Variants in NEMF observed in about 807,000 individuals in gnomAD.
NEMF encodes the protein nuclear export mediator factor, also known as ribosome quality control complex subunit NEMF.
NEMF carries 89 observed loss-of-function variants against 162.2 expected under a neutral mutation model. The observed-to-expected ratio is 0.55, with a 90% CI of 0.46 to 0.65. NEMF has a LOEUF of 0.65. Ranked by LOEUF, NEMF falls within the 30% of genes least tolerant of loss-of-function variation. The probability of loss-of-function intolerance (pLI) is 0.00; values close to 1 mark genes in which losing one functional copy is unlikely to be tolerated. For synonymous variants in NEMF, 421 were observed against 404.5 expected, an observed-to-expected ratio of 1.04 and a Z score of -0.49; for missense variants, 1,133 against 1,261.9, an observed-to-expected ratio of 0.90 and a Z score of 1.55.
intron 3 of NEMF, among the ~76,000 whole-genome samples, chr14:49,846,762 G>A (rs760811930): frequency 1.3e-5 from 2 of 152,160 alleles, no homozygotes; most frequent in African/African-American, 4.8e-5. Flanking sequence ...ACTGAGCCAG[G>A]CTTTTATTTT....
chr14:49,845,374 G>T (rs966938177), intron 4 of NEMF, among the ~76,000 whole-genome samples: 1 of 152,204 alleles, frequency 6.6e-6, no homozygotes, highest in African/African-American at 2.4e-5. Context: ...CTCCCAAAAT[G>T]CTAGGATTAC....
chr14:49,819,408 T>C (rs1382896865), intron 16 of NEMF, among the ~76,000 whole-genome samples: 4 of 151,126 alleles, frequency 2.6e-5, no homozygotes, highest in Non-Finnish European at 5.9e-5. Context: ...TATATATATA[T>C]ATATATATAT....
chr14:49,846,925 G>A (rs1034959692), intron 3 of NEMF, among the ~76,000 whole-genome samples: 28 of 152,176 alleles, frequency 1.8e-4, no homozygotes, highest in African/African-American at 5.1e-4. Context: ...TCGCTCTGTC[G>A]CCCAGACTGG....
intron 16 of NEMF, among the ~76,000 whole-genome samples, chr14:49,815,443 T>C (rs925374556): frequency 2.0e-5 from 3 of 152,184 alleles, no homozygotes; most frequent in African/African-American, 7.2e-5. Context: ...GAAAATGACA[T>C]GCAAGACAGA....
At chr14:49,828,581 A>T in intron 14 of NEMF, 35 bp downstream of exon 14, 1 of 1,459,234 alleles carries the variant, frequency 6.9e-7, no homozygotes, top group Non-Finnish European at 9.2e-7. Context: ...ATTGCAGATA[A>T]CACTTGGCCT....
At chr14:49,827,322 G>T (rs1020594667) in intron 15 of NEMF, among the ~76,000 whole-genome samples, 1 of 152,112 alleles carries the variant, frequency 6.6e-6, no homozygotes, top group African/African-American at 2.4e-5. Context: ...AAGTAGCTGG[G>T]ATTACAGGTA....
intron 16 of NEMF, among the ~76,000 whole-genome samples, chr14:49,820,629 C>T (rs985616043): frequency 2.6e-5 from 4 of 152,030 alleles, no homozygotes; most frequent in African/African-American, 9.7e-5. Flanking sequence ...CCCCTCTCCC[C>T]TCTCTCCTCC....
Position 49,850,219 on chromosome 14 carries a change from C to T in NEMF, c.231+1344G>A, listed in dbSNP as rs146291612. On this transcript the variant is annotated intron_variant, in intron 3 of 32. Coordinates refer to ENST00000298310, the MANE Select transcript of NEMF (RefSeq NM_004713.6). ...CCAGGTTCAAGTGGTTCTCCTGCCC[C>T]ATCCTCCCAAGTAGCTGGAATTACA... is the stretch of plus-strand genomic sequence containing the variant. Among the ~76,000 whole-genome samples the T allele has an allele frequency of 1.9e-4, 29 of 152,270 alleles. No individual in the cohort carries two copies. The East Asian group carries it at 5.2e-3, about 27-fold the overall frequency.
intron 26 of NEMF, among the ~76,000 whole-genome samples, chr14:49,793,861 T>C (rs7148422): frequency 0.17 from 26,081 of 151,720 alleles, 2,489 homozygotes; most frequent in Non-Finnish European, 0.21. Context: ...ATTAATTTGA[T>C]GGGTAAAAAA....
intron 25 of NEMF, chr14:49,796,188 C>A: frequency 1.8e-6 from 1 of 559,102 alleles, no homozygotes; most frequent in South Asian, 1.5e-5. Flanking sequence ...ATATTGTCAC[C>A]CCTGACTCAT....
At chr14:49,837,911 T>C (rs1004204167) in intron 6 of NEMF, among the ~76,000 whole-genome samples, 3 of 151,840 alleles carry the variant, frequency 2.0e-5, no homozygotes, top group African/African-American at 4.8e-5. Context: ...AATACTACCA[T>C]TAGCACTGAA....
chr14:49,806,522 A>T (rs1436517196), intron 18 of NEMF, among the ~76,000 whole-genome samples: 1 of 151,242 alleles, frequency 6.6e-6, no homozygotes, highest in Admixed American at 6.6e-5. Context: ...GGCCTCCCAG[A>T]GTGCTGGAAC....
At chr14:49,797,805 T>C (rs1269068467) in intron 25 of NEMF, among the ~76,000 whole-genome samples, 2 of 152,220 alleles carry the variant, frequency 1.3e-5, no homozygotes, top group African/African-American at 4.8e-5. Flanking sequence ...GAGCTAGTCC[T>C]CAAATAACAT....
chr14:49,831,280 T>C lies in NEMF; in HGVS notation c.945+19A>G. The stretch of plus-strand genomic sequence containing the variant: ...GCTAAAGACTAGCTGGTTTAATATG[T>C]GTTTTTAATAATACATACCTGTTGT... On this transcript the variant is annotated intron_variant, in intron 11 of 32. Coordinates refer to ENST00000298310, the MANE Select transcript of NEMF (RefSeq NM_004713.6). 1 of 1,391,182 alleles carries C rather than the reference T, an allele frequency of 7.2e-7. No individual in the cohort carries two copies. Among genetic ancestry groups the C allele is most frequent in the East Asian group, 2.3e-5 (1 of 43,892 alleles). 86.2% of individuals were successfully genotyped at this position (1,391,182 alleles called of 1,614,324 possible).
intron 3 of NEMF, 89 bp downstream of exon 3, chr14:49,851,474 T>C (rs1035485624): frequency 1.2e-6 from 1 of 848,760 alleles, no homozygotes; most frequent in African/African-American, 1.7e-5. Flanking sequence ...ATCTGCACTT[T>C]ATTCGTAACA....
intron 22 of NEMF, among the ~76,000 whole-genome samples, chr14:49,802,146 C>T (rs763705940): frequency 2.6e-5 from 4 of 151,652 alleles, no homozygotes; most frequent in Non-Finnish European, 5.9e-5. Flanking sequence ...ATGGTTTTGC[C>T]ATGTTGCCCA....
chr14:49,816,432 T>C (rs918538671), intron 16 of NEMF, among the ~76,000 whole-genome samples: 7 of 152,186 alleles, frequency 4.6e-5, no homozygotes, highest in Admixed American at 4.6e-4. Context: ...TTTTTGCCCT[T>C]TGAAGCATGT....
At chr14:49,802,600 C>G in intron 21 of NEMF, 27 bp from the exon 22 acceptor site, 1 of 1,612,366 alleles carries the variant, frequency 6.2e-7, no homozygotes, top group Non-Finnish European at 8.5e-7. Context: ...TTTTCAGTGA[C>G]GGAGCTTCAG....
rs1323673423 is a variant in NEMF at position 49,840,787 on chromosome 14, T to G, written c.437A>C (p.Lys146Thr). ...TGGATAGCGTTCACGAACAGCAAAT[T>G]TAACATCATCTGCCTCATCAGTTCG... is the stretch of plus-strand genomic sequence containing the variant. ...RFRTDEADDV[K>T]FAVRERYPLD... Residue 146 changes from lysine (K) to threonine (T), a missense_variant, in exon 5 of 33, where the codon AAA becomes ACA. Around this residue, in one of 3 missense-constraint regions of NEMF, gnomAD observed 582 missense variants for 631.5 expected, o/e 0.92. Coordinates refer to ENST00000298310, the MANE Select transcript of NEMF (RefSeq NM_004713.6). The G allele has an allele frequency of 6.2e-7, 1 of 1,614,020 alleles. No individual in the cohort carries two copies. Among genetic ancestry groups the G allele is most frequent in the East Asian group, 2.2e-5 (1 of 44,874 alleles).
Sources: gnomAD v4.1 joint callset for allele counts (sites outside exome capture counted in the v4.1 genomes callset) on GRCh38, gnomAD v4.1.1 for gene constraint, gnomAD v4.1.1 regional missense constraint, MANE v1.5 for transcripts, NCBI Gene and HGNC (gene_info 2026-07-23, HGNC 2026-07-21) for gene names.